The following HDAC9 variants were observed in gnomAD, a reference collection of about 807,000 sequenced individuals.
The protein encoded by HDAC9 is histone deacetylase 9.
Under a neutral mutation model 139.4 loss-of-function variants are expected in HDAC9, and 41 were observed. That is an observed-to-expected ratio of 0.29 (90% confidence interval 0.23 to 0.38). HDAC9 has a LOEUF of 0.38. Among genes scored for constraint, HDAC9 ranks in the 10% least tolerant of loss-of-function variants. The pLI is 1.00. For synonymous variants in HDAC9, 517 were observed against 476.2 expected, an observed-to-expected ratio of 1.09 and a Z score of -1.12; for missense variants, 1,147 against 1,297.0, an observed-to-expected ratio of 0.88 and a Z score of 1.78.
At chr7:18,652,805 A>G (rs1789735905) in intron 11 of HDAC9, among the ~76,000 whole-genome samples, 1 of 152,164 alleles carries the variant, frequency 6.6e-6, no homozygotes, top group South Asian at 2.1e-4. Flanking sequence ...ACTTTAATGA[A>G]TTATTAATCT....
chr7:18,784,969 G>C (rs889911933), intron 16 of HDAC9, among the ~76,000 whole-genome samples: 1 of 13,798 alleles, frequency 7.2e-5, no homozygotes, highest in East Asian at 5.0e-4. Flanking sequence ...GTGTGTGTGT[G>C]TGTGTCTGTG....
rs149315720 is a variant in HDAC9, at chr7:18,458,868, G to C, written c.-41-37394G>C. 2.8e-3 allele frequency: 4,249 copies of C among 1,534,878 alleles called. 99 individuals are homozygous for C. In the African/African-American group the frequency reaches 0.051, roughly 18 times the overall value. ...CCTCATGTGGAACCTTGTACCATGG[G>C]TGCTATTCTGTGGCTGCTGTAGGAT... is the stretch of plus-strand genomic sequence containing the variant. On this transcript the variant is annotated intron_variant, in intron 1 of 3. Transcript: ENST00000413509.
intron 1 of HDAC9, among the ~76,000 whole-genome samples, chr7:18,470,724 T>A (rs560708341): frequency 6.6e-6 from 1 of 152,242 alleles, no homozygotes; most frequent in South Asian, 2.1e-4. Context: ...TTTAGAAGAA[T>A]AGGCGGAAGG....
intron 14 of HDAC9, among the ~76,000 whole-genome samples, chr7:18,750,640 C>G (rs2129148103): frequency 6.6e-6 from 1 of 152,152 alleles, no homozygotes; most frequent in Middle Eastern, 3.4e-3. Context: ...ATACTCTGGT[C>G]AATTTTAGAG....
intron 2 of HDAC9, among the ~76,000 whole-genome samples, chr7:18,187,778 T>C (rs547175251): frequency 1.6e-4 from 24 of 152,326 alleles, no homozygotes; most frequent in Admixed American, 3.9e-4. Context: ...TGGCTTGCCA[T>C]GGCCTACAGA....
intron 1 of HDAC9, among the ~76,000 whole-genome samples, chr7:18,139,988 G>C (rs1310088762): frequency 6.6e-6 from 1 of 152,138 alleles, no homozygotes; most frequent in East Asian, 1.9e-4. Context: ...CATACATTCT[G>C]TTGTTCTGTG....
chr7:18,768,841 G>A (rs1790043077), intron 16 of HDAC9, among the ~76,000 whole-genome samples: 1 of 152,098 alleles, frequency 6.6e-6, no homozygotes, highest in South Asian at 2.1e-4. Context: ...ACATTCAGTA[G>A]AAACCATACT....
At chr7:18,495,671 C>A, upstream of HDAC9, 1 of 862,550 alleles carries the variant, frequency 1.2e-6, no homozygotes, top group Non-Finnish European at 1.4e-6. Flanking sequence ...GCCTGTGGGC[C>A]ATGCTGTTGT....
intron 17 of HDAC9, among the ~76,000 whole-genome samples, chr7:18,805,558 A>C (rs1227965727): frequency 6.6e-6 from 1 of 152,212 alleles, no homozygotes; most frequent in Admixed American, 6.5e-5. Context: ...AATTTTAATC[A>C]TGAAAGGATT....
intron 22 of HDAC9, among the ~76,000 whole-genome samples, chr7:18,921,149 A>T (rs1304835112): frequency 6.6e-6 from 1 of 152,118 alleles, no homozygotes; most frequent in African/African-American, 2.4e-5. Context: ...AACCTAGGCA[A>T]TACCATTCAG....
chr7:18,634,734 C>A lies in HDAC9; in HGVS notation c.904C>A (p.His302Asn). The A allele has an allele frequency of 2.5e-6, 4 of 1,585,642 alleles. No individual in the cohort carries two copies. Among genetic ancestry groups the A allele is most frequent in the Non-Finnish European group, 3.4e-6 (4 of 1,162,698 alleles). ...NETSVLPPTPHAEQMVSQQRI... is the reference protein window; with the variant it reads ...NETSVLPPTPNAEQMVSQQRI... ...GACTTCGGTTTTGCCCCCTACCCCT[C>A]ATGCCGAGGTAAGACCCTTATTATT... Residue 302 changes from histidine to asparagine, a missense_variant, in exon 8 of 26, where the codon CAT (histidine) becomes AAT (asparagine). This residue lies in a region of HDAC9 where 264 missense variants were observed against 273.8 expected (regional missense o/e 0.96). Transcript: ENST00000686413.
intron 1 of HDAC9, among the ~76,000 whole-genome samples, chr7:18,434,912 A>G (rs1177368202): frequency 6.6e-6 from 1 of 152,144 alleles, no homozygotes; most frequent in East Asian, 1.9e-4. Flanking sequence ...AGGAATATAA[A>G]TATTTCCACC....
At chr7:18,829,637 A>C in intron 19 of HDAC9, 89 bp downstream of exon 19, 1 of 808,202 alleles carries the variant, frequency 1.2e-6, no homozygotes, top group Non-Finnish European at 2.0e-6. Flanking sequence ...TCTTGCTTTT[A>C]GCACTTGCAA....
intron 21 of HDAC9, among the ~76,000 whole-genome samples, chr7:18,844,923 T>G (rs1038958986): frequency 3.3e-5 from 5 of 152,146 alleles, no homozygotes; most frequent in Non-Finnish European, 5.9e-5. Flanking sequence ...ACTTCTAAAA[T>G]GAAAACAGCA....
In HDAC9 at chr7:18,799,777, G is replaced by A. The variant is rs529062685; in HGVS notation, c.2322+6325G>A. Among the ~76,000 whole-genome samples the A allele has an allele frequency of 2.0e-5, 3 of 152,256 alleles. No individual in the cohort carries two copies. The East Asian group carries it at 5.8e-4, about 29-fold the overall frequency. The stretch of plus-strand genomic sequence containing the variant: ...TGAACAGAGTTTCAAAGGTCTGTAG[G>A]ACATGATCAAATGTACCAACATATG... On this transcript the variant is annotated intron_variant, in intron 17 of 25. Coordinates refer to ENST00000686413, the MANE Select transcript of HDAC9 (RefSeq NM_178425.4).
chr7:18,300,405 T>G (rs969046432), intron 1 of HDAC9, among the ~76,000 whole-genome samples: 4 of 152,096 alleles, frequency 2.6e-5, no homozygotes, highest in Admixed American at 2.0e-4. Context: ...ACATGTCAGG[T>G]TTTCTTTGAC....
intron 2 of HDAC9, among the ~76,000 whole-genome samples, chr7:18,283,305 C>T (rs1381161773): frequency 3.3e-5 from 5 of 152,112 alleles, no homozygotes; most frequent in Admixed American, 6.5e-5. Context: ...TCTGAGAACT[C>T]ACTCACAATC....
intron 2 of HDAC9, among the ~76,000 whole-genome samples, chr7:18,512,265 G>T (rs975219059): frequency 4.6e-5 from 7 of 152,028 alleles, no homozygotes; most frequent in Non-Finnish European, 8.8e-5. Flanking sequence ...CATTCAATAA[G>T]ATGTATTAGA....
At chr7:18,546,400 G>A (rs1193384573) in intron 2 of HDAC9, among the ~76,000 whole-genome samples, 1 of 152,052 alleles carries the variant, frequency 6.6e-6, no homozygotes, top group Admixed American at 6.5e-5. Context: ...CTGTAAACTC[G>A]GAATACGAAC....
Sources: gnomAD v4.1 joint callset for allele counts (sites outside exome capture counted in the v4.1 genomes callset) on GRCh38, gnomAD v4.1.1 for gene constraint, gnomAD v4.1.1 regional missense constraint, MANE v1.5 for transcripts, NCBI Gene and HGNC (gene_info 2026-07-23, HGNC 2026-07-21) for gene names.